Variants in NELL2 observed in about 807,000 individuals in gnomAD.
The protein encoded by NELL2 is neural EGFL like 2.
NELL2 carries 41 observed loss-of-function variants against 109.6 expected under a neutral mutation model. The observed-to-expected ratio is 0.37, with a 90% CI of 0.29 to 0.49. The LOEUF is 0.49. NELL2 is among the 20% of genes least tolerant of loss of function. The pLI is 0.98. For synonymous variants in NELL2, 355 were observed against 344.7 expected (o/e 1.03, Z -0.33); for missense variants, 900 against 1,008.3 (o/e 0.89, Z 1.45).
At chr12:44,590,780 CA>C (rs1944715195) in intron 15 of NELL2, among the ~76,000 whole-genome samples, 1 of 151,618 alleles carries the variant, frequency 6.6e-6, no homozygotes, top group Admixed American at 6.6e-5. Flanking sequence ...GGGATTAGAT[CA>C]AACCGAAAAG....
At chr12:44,830,017 T>C (rs779782005) in intron 2 of NELL2, among the ~76,000 whole-genome samples, 9 of 152,226 alleles carry the variant, frequency 5.9e-5, no homozygotes, top group Non-Finnish European at 1.0e-4. Flanking sequence ...TAACCACGTA[T>C]GTGTTACTGT....
At chr12:44,587,638 G>A (rs559597767) in intron 15 of NELL2, among the ~76,000 whole-genome samples, 7 of 152,060 alleles carry the variant, frequency 4.6e-5, no homozygotes, top group Admixed American at 1.3e-4. Context: ...ATAGATAGCC[G>A]ACTGTATTTT....
chr12:44,616,521 A>G (rs1391535414), intron 13 of NELL2, among the ~76,000 whole-genome samples: 1 of 152,192 alleles, frequency 6.6e-6, no homozygotes, highest in Non-Finnish European at 1.5e-5. Context: ...AAGCTCCCTT[A>G]GACTTAATGC....
intron 15 of NELL2, among the ~76,000 whole-genome samples, chr12:44,545,102 T>C (rs1942739643): frequency 1.3e-5 from 2 of 152,084 alleles, no homozygotes; most frequent in Non-Finnish European, 1.5e-5. Context: ...CCTTTTGATA[T>C]ATATTTTAAA....
intron 15 of NELL2, among the ~76,000 whole-genome samples, chr12:44,567,494 G>A (rs1008303058): frequency 6.6e-6 from 1 of 152,086 alleles, no homozygotes; most frequent in Non-Finnish European, 1.5e-5. Context: ...ATTACTCTAA[G>A]TAATCCTATG....
At chr12:44,613,287 T>C (rs756804114) in intron 13 of NELL2, among the ~76,000 whole-genome samples, 1 of 152,126 alleles carries the variant, frequency 6.6e-6, no homozygotes, top group Non-Finnish European at 1.5e-5. Context: ...ATTCTTAAGC[T>C]CCACTCTGGG....
chr12:44,725,054 T>C (rs1425190001), intron 9 of NELL2, among the ~76,000 whole-genome samples: 2 of 152,106 alleles, frequency 1.3e-5, no homozygotes, highest in Non-Finnish European at 2.9e-5. Context: ...CTAGGATAAC[T>C]GGCTAGCCAT....
At chr12:44,615,129 T>A (rs997270582) in intron 13 of NELL2, among the ~76,000 whole-genome samples, 9 of 152,180 alleles carry the variant, frequency 5.9e-5, no homozygotes, top group African/African-American at 2.2e-4. Flanking sequence ...AGTAGAGAAG[T>A]AACACTGCTT....
intron 7 of NELL2, 67 bp downstream of exon 7, chr12:44,776,975 T>G: frequency 7.4e-7 from 1 of 1,346,022 alleles, no homozygotes; most frequent in South Asian, 1.2e-5. Context: ...TCTATGGTTA[T>G]AAATGGAAGT....
At chr12:44,517,700 T>A (rs1015967491) in intron 19 of NELL2, among the ~76,000 whole-genome samples, 1 of 152,102 alleles carries the variant, frequency 6.6e-6, no homozygotes, top group African/African-American at 2.4e-5. Context: ...AAAATTTAAA[T>A]AGCCACATGT....
At chr12:44,537,802 A>C (rs1323684666) in intron 15 of NELL2, among the ~76,000 whole-genome samples, 1 of 152,136 alleles carries the variant, frequency 6.6e-6, no homozygotes, top group Non-Finnish European at 1.5e-5. Flanking sequence ...ATGCAAACGC[A>C]TTACATTACT....
chr12:44,916,800 C>T (rs543097133), upstream of NELL2, among the ~76,000 whole-genome samples: 2 of 152,284 alleles, frequency 1.3e-5, no homozygotes, highest in South Asian at 4.1e-4. Flanking sequence ...TCAGAAAACT[C>T]TAAAGGTCCT....
At chr12:44,799,592 T>C (rs1264049643) in intron 3 of NELL2, among the ~76,000 whole-genome samples, 2 of 152,160 alleles carry the variant, frequency 1.3e-5, no homozygotes, top group Non-Finnish European at 2.9e-5. Flanking sequence ...ATTCTTCTAA[T>C]GTCCGAAATG....
intron 15 of NELL2, among the ~76,000 whole-genome samples, chr12:44,573,418 A>T (rs1943946708): frequency 6.6e-6 from 1 of 152,194 alleles, no homozygotes; most frequent in South Asian, 2.1e-4. Context: ...AGAAAGTGTA[A>T]CTCCAAAACA....
intron 9 of NELL2, among the ~76,000 whole-genome samples, chr12:44,766,736 C>A (rs556568530): frequency 9.7e-4 from 148 of 152,272 alleles, no homozygotes; most frequent in Middle Eastern, 6.8e-3. Context: ...GAGGACTAGC[C>A]TTCTGATCAC....
At chr12:44,872,636 AAGAC>A (rs1945196431) in intron 2 of NELL2, among the ~76,000 whole-genome samples, 1 of 152,138 alleles carries the variant, frequency 6.6e-6, no homozygotes, top group South Asian at 2.1e-4. Context: ...TTAAAGCTAA[AAGAC>A]AGAAGAAGAT....
chr12:44,690,819 T>C (rs1948875280), intron 12 of NELL2, among the ~76,000 whole-genome samples: 1 of 152,210 alleles, frequency 6.6e-6, no homozygotes, highest in South Asian at 2.1e-4. Context: ...AGTCTCTATA[T>C]TATTTCTGAT....
At chr12:44,704,800 T>C (rs111395197) in intron 11 of NELL2, among the ~76,000 whole-genome samples, 9,397 of 151,900 alleles carry the variant, frequency 0.062, 951 homozygotes, top group African/African-American at 0.21. Context: ...AGATGGATCA[T>C]TTAAGATCAG....
intron 13 of NELL2, among the ~76,000 whole-genome samples, chr12:44,639,872 T>A (rs181712677): frequency 1.0e-3 from 152 of 152,284 alleles, no homozygotes; most frequent in African/African-American, 3.5e-3. Context: ...CTCTGCATGA[T>A]CGGACCCCAC....
Sources: gnomAD v4.1 joint callset for allele counts (sites outside exome capture counted in the v4.1 genomes callset) on GRCh38, gnomAD v4.1.1 for gene constraint, MANE v1.5 for transcripts, NCBI Gene and HGNC (gene_info 2026-07-23, HGNC 2026-07-21) for gene names.